The following NUP210 variants were observed in gnomAD, a reference collection of about 807,000 sequenced individuals.
NUP210 encodes the protein nucleoporin 210.
NUP210 carries 151 observed loss-of-function variants against 196.0 expected under a neutral mutation model. The observed-to-expected ratio is 0.77, with a 90% CI of 0.67 to 0.88. NUP210 has a LOEUF of 0.88. Among genes scored for constraint, NUP210 ranks in the 40% least tolerant of loss-of-function variants. NUP210 has a pLI of 0.00. For missense variants in NUP210, 2,314 were observed against 2,493.7 expected, an observed-to-expected ratio of 0.93 and a Z score of 1.53; for synonymous variants, 1,070 against 1,052.7, an observed-to-expected ratio of 1.02 and a Z score of -0.32.
chr3:13,338,453 A>G (rs746630543), intron 25 of NUP210, among the ~76,000 whole-genome samples: 2 of 152,198 alleles, frequency 1.3e-5, no homozygotes, highest in Non-Finnish European at 2.9e-5. Flanking sequence ...TGCTGAACTG[A>G]GGCTATTAAA....
chr3:13,415,996 C>T (rs1434881170), intron 1 of NUP210, among the ~76,000 whole-genome samples: 1 of 152,178 alleles, frequency 6.6e-6, no homozygotes, highest in Non-Finnish European at 1.5e-5. Context: ...CACCCCTCAG[C>T]AAAGAGGGAC....
intron 22 of NUP210, 49 bp from the exon 23 acceptor site, chr3:13,341,932 A>G: frequency 6.2e-7 from 1 of 1,613,404 alleles, no homozygotes; most frequent in Non-Finnish European, 8.5e-7. Context: ...CCCCGTGGGA[A>G]AGGCTGCAGC....
intron 16 of NUP210, 36 bp downstream of exon 16, chr3:13,358,186 C>T: frequency 6.4e-7 from 1 of 1,563,226 alleles, no homozygotes; most frequent in Non-Finnish European, 8.7e-7. Context: ...AAGCGGGTGG[C>T]ACCCTCACCT....
chr3:13,410,657 C>T (rs568590284), intron 1 of NUP210, among the ~76,000 whole-genome samples: 17 of 151,126 alleles, frequency 1.1e-4, no homozygotes, highest in Non-Finnish European at 1.8e-4. Context: ...GTGGCTCACA[C>T]CTGTAATCCC....
At chr3:13,364,619 G>A (rs1041643109) in intron 14 of NUP210, among the ~76,000 whole-genome samples, 2 of 152,062 alleles carry the variant, frequency 1.3e-5, no homozygotes, top group East Asian at 1.9e-4. Context: ...ATCTGAGGTC[G>A]GGAGTTCGGG....
intron 13 of NUP210, among the ~76,000 whole-genome samples, chr3:13,368,151 C>T (rs1372919919): frequency 6.6e-6 from 1 of 152,162 alleles, no homozygotes; most frequent in East Asian, 1.9e-4. Context: ...TCTTGGCTCA[C>T]TGCAACCTCC....
rs1698952031 is a variant in NUP210 at position 13,377,445 on chromosome 3, C to T, written c.1152+11G>A. ...CTCATCCCCCCAGCCAGGACCTGAA[C>T]AGGCACTCACGTCAGATACATAGAC... On this transcript the variant is annotated intron_variant, in intron 9 of 39. Coordinates refer to ENST00000254508, the MANE Select transcript of NUP210 (RefSeq NM_024923.4). 6 of 1,589,580 alleles carry T rather than the reference C, an allele frequency of 3.8e-6. 1 individual carries two copies. The East Asian group carries it at 1.1e-4, about 30-fold the overall frequency.
At position 13,391,319 on chromosome 3, in the gene NUP210, G is replaced by T. The variant is rs377512267; in HGVS notation, c.437-12C>A. 13 of 1,568,060 alleles carry T rather than the reference G, an allele frequency of 8.3e-6. No homozygotes were observed. In the African/African-American group the frequency reaches 1.8e-4, roughly 21 times the overall value. On this transcript the variant is annotated splice_polypyrimidine_tract_variant and intron_variant, in intron 3 of 39. Coordinates refer to ENST00000254508, the MANE Select transcript of NUP210 (RefSeq NM_024923.4). ...GCTGAAGGTGTTCCCTATAAGAGCAGATGGGAGAGGCAGACAGATATGGAG... is the reference window on the plus strand; with the variant it reads ...GCTGAAGGTGTTCCCTATAAGAGCATATGGGAGAGGCAGACAGATATGGAG...
Position 13,351,890 on chromosome 3 carries a change from C to A in NUP210, c.2824G>T (p.Gly942Cys). ...VVKVAYQEARGVAMVHPLLPG... is the reference protein window; with the variant it reads ...VVKVAYQEARCVAMVHPLLPG... ...TGGCCCAAGCTTACCATGGCGACAC[C>A]CCTGGCCTCCTGGTAGGCCACCTTG... Residue 942 changes from glycine (G) to cysteine (C), a missense_variant, in exon 20 of 40, where the codon GGT (glycine) becomes TGT (cysteine). Physicochemically the swap from Gly to Cys is radical, Grantham distance 159. Transcript: ENST00000254508. 1 of 1,611,352 alleles carries A rather than the reference C, an allele frequency of 6.2e-7. No homozygotes were observed. Among genetic ancestry groups the A allele is most frequent in the South Asian group, 1.1e-5 (1 of 90,982 alleles).
chr3:13,406,025 T>C (rs1699991037), intron 1 of NUP210, among the ~76,000 whole-genome samples: 1 of 152,224 alleles, frequency 6.6e-6, no homozygotes, highest in African/African-American at 2.4e-5. Flanking sequence ...ATACGAAAGA[T>C]AATGTCAATG....
At chr3:13,406,392 C>T (rs187488230) in intron 1 of NUP210, among the ~76,000 whole-genome samples, 110 of 152,276 alleles carry the variant, frequency 7.2e-4, no homozygotes, top group African/African-American at 2.4e-3. Flanking sequence ...GGAAGAGGCA[C>T]GTGGCTACAA....
Position 13,348,277 on chromosome 3 carries a change from T to C in NUP210, c.2835+3602A>G. On this transcript the variant is annotated intron_variant, in intron 20 of 39. Coordinates refer to ENST00000254508, the MANE Select transcript of NUP210 (RefSeq NM_024923.4). This position sits in a 1 kb window ranked among gnomAD's most constrained non-coding sequence, Gnocchi z 4.0. ...GTGTCCCAGCTTCTGCTCAAATGCC[T>C]CCAGAGACAGGGAGCTCACTACCTA... The C allele has an allele frequency of 3.3e-6, 2 of 609,662 alleles. No homozygotes were observed. The highest frequency in any genetic ancestry group is 7.3e-5 in the South Asian group (1 of 13,724). 37.8% of individuals were successfully genotyped at this position (609,662 alleles called of 1,614,324 possible). A position where few individuals can be genotyped will look rare whatever the true frequency, so the allele number is the denominator to read the frequency against.
rs746095090 is a variant in NUP210 at position 13,386,346 on chromosome 3, T to C, written c.746A>G (p.Tyr249Cys). Residue 249 changes from tyrosine (Y) to cysteine (C), a missense_variant, in exon 6 of 40, where the codon TAT (tyrosine) becomes TGT (cysteine). Transcript: ENST00000254508. ...ILENILLNPA[Y>C]DVYLMVGTSI... ...GGTTCCCACCATCAGGTAGACGTCA[T>C]AGGCCGGGTTCAGAAGGATGTTTTC... 7 of 1,614,198 alleles carry C rather than the reference T, an allele frequency of 4.3e-6. No homozygotes were observed. The highest frequency in any genetic ancestry group is 1.3e-5 in the African/African-American group (1 of 75,052).
Position 13,319,550 on chromosome 3 carries a change from AGCCCCTGTGGCT to A in NUP210, c.5383+201_5383+212del, listed in dbSNP as rs1413351259. Among the ~76,000 whole-genome samples, 61 of 151,264 alleles carry A rather than the reference AGCCCCTGTGGCT, an allele frequency of 4.0e-4. 1 individual carries two copies. The highest frequency in any genetic ancestry group is 1.5e-3 in the South Asian group (7 of 4,778). On this transcript the variant is annotated intron_variant, in intron 37 of 39. Coordinates refer to ENST00000254508, the MANE Select transcript of NUP210 (RefSeq NM_024923.4). ...CGCAGGCTGCTGAGCAGAGGGGCAC[AGCCCCTGTGGCT>A]GCCATGTTGAGAACAGATGGGAAAG...
chr3:13,358,103 G>C, intron 16 of NUP210, 119 bp downstream of exon 16: 1 of 875,208 alleles, frequency 1.1e-6, no homozygotes, highest in Non-Finnish European at 1.8e-6. Flanking sequence ...TTGAGACGAA[G>C]GAAGTGCAGC....
At chr3:13,345,317 G>A in intron 20 of NUP210, 1 of 763,380 alleles carries the variant, frequency 1.3e-6, no homozygotes, top group Non-Finnish European at 1.6e-6. Context: ...TGAGTTAACT[G>A]AGGCCCAGAT....
Position 13,353,547 on chromosome 3 carries a change from G to C in NUP210, c.2628+7C>G. The C allele has an allele frequency of 6.2e-7, 1 of 1,611,818 alleles. No homozygotes were observed. The highest frequency in any genetic ancestry group is 8.5e-7 in the Non-Finnish European group (1 of 1,177,982). ...TAGCCCACCCACCACTGGGCCCTGG[G>C]AGATACCGGCTGCTTTGTTCTGGCA... On this transcript the variant is annotated splice_region_variant and intron_variant, in intron 18 of 39. Coordinates refer to ENST00000254508, the MANE Select transcript of NUP210 (RefSeq NM_024923.4).
rs997552811 is a variant in NUP210, at chr3:13,348,887, A to G, written c.2835+2992T>C. ...TCGAAAACACCCCAAACACCAAACA[A>G]AAAAACTGAATTAAAAAACTTATTA... On this transcript the variant is annotated intron_variant, in intron 20 of 39. Transcript: ENST00000254508. This position sits in a 1 kb window ranked among gnomAD's most constrained non-coding sequence, Gnocchi z 4.0. The G allele has an allele frequency of 3.0e-6, 3 of 985,292 alleles. No homozygotes were observed. The highest frequency in any genetic ancestry group is 1.1e-4 in the East Asian group (1 of 8,812). The allele number at this position is 985,292 out of a possible 1,614,324, so 61.0% of individuals were successfully genotyped here. A position where few individuals can be genotyped will look rare whatever the true frequency, so the allele number is the denominator to read the frequency against.
At chr3:13,388,511 A>G in intron 4 of NUP210, 58 bp from the exon 5 acceptor site, 1 of 1,526,994 alleles carries the variant, frequency 6.5e-7, no homozygotes, top group Non-Finnish European at 8.9e-7. Context: ...AAGATTTGTC[A>G]GAATCTACCA....
Sources: allele counts gnomAD v4.1 joint callset (sites outside exome capture counted in the v4.1 genomes callset), GRCh38; gene constraint gnomAD v4.1.1; non-coding constraint Gnocchi (gnomAD v3.1); transcripts MANE v1.5; gene names NCBI Gene and HGNC (gene_info 2026-07-23, HGNC 2026-07-21).